LDHD: variants seen among roughly 807,000 people sequenced by gnomAD.
The protein encoded by LDHD is lactate dehydrogenase D.
LDHD carries 58 observed loss-of-function variants against 52.9 expected under a neutral mutation model. The ratio of observed to expected loss-of-function variants is 1.10; its 90% CI spans 0.89 to 1.36. The LOEUF is 1.36. Among genes scored for constraint, LDHD ranks in the 40% most tolerant of loss-of-function variants. The pLI is 0.00. For synonymous variants in LDHD, 350 were observed against 288.6 expected, an observed-to-expected ratio of 1.21 and a Z score of -2.16; for missense variants, 747 against 668.0, an observed-to-expected ratio of 1.12 and a Z score of -1.30.
At chr16:75,115,478 C>T (rs988872730) in intron 2 of LDHD, 70 bp downstream of exon 2, 2 of 1,583,262 alleles carry the variant, frequency 1.3e-6, no homozygotes, top group African/African-American at 2.7e-5. Context: ...AGGAAGGCAA[C>T]CCAGCACCCT....
At chr16:75,116,316 C>G (rs1299016438) in intron 1 of LDHD, among the ~76,000 whole-genome samples, 3 of 152,148 alleles carry the variant, frequency 2.0e-5, no homozygotes, top group African/African-American at 7.2e-5. Flanking sequence ...TGTGTTTCTT[C>G]CCATTTTACA....
intron 1 of LDHD, 33 bp from the exon 2 acceptor site, chr16:75,115,693 C>A (rs2036538948): frequency 3.6e-6 from 5 of 1,386,426 alleles, no homozygotes; most frequent in Non-Finnish European, 4.0e-6. Flanking sequence ...CAGGGTCCCC[C>A]GAAAGACACA....
rs142263929 is a variant in LDHD, at chr16:75,112,462, C to T, written c.1349G>A (p.Arg450Gln). The part of the protein sequence containing the change: ...TGEHGIGMGK[R>Q]QLLQEEVGAV... ...GCCCACCTCCTCCTGCAGCAGCTGCCGCTTGCCCATTCCGATGCCATGCTC... is the reference window on the plus strand; with the variant it reads ...GCCCACCTCCTCCTGCAGCAGCTGCTGCTTGCCCATTCCGATGCCATGCTC... Residue 450 changes from arginine to glutamine, a missense_variant, in exon 11 of 11, where the codon CGG becomes CAG. Physicochemically the swap from Arg to Gln is conservative, Grantham distance 43. Transcript: ENST00000450168. The T allele has an allele frequency of 4.1e-5, 66 of 1,613,434 alleles. No individual in the cohort carries two copies. In the African/African-American group the frequency reaches 4.4e-4, roughly 11 times the overall value.
chr16:75,114,732 T>A, intron 4 of LDHD, 47 bp from the exon 5 acceptor site: 2 of 1,550,862 alleles, frequency 1.3e-6, no homozygotes, highest in Non-Finnish European at 1.7e-6. Flanking sequence ...GGAGGTCCTT[T>A]CCCTCGGGCT....
intron 8 of LDHD, among the ~76,000 whole-genome samples, 160 bp from the exon 9 acceptor site, chr16:75,113,084 C>A (rs2036445789): frequency 6.6e-6 from 1 of 152,178 alleles, no homozygotes; most frequent in Admixed American, 6.5e-5. Context: ...TCACCTCCCC[C>A]CGACACAACA....
chr16:75,114,766 CCA>C (rs2036504876), intron 4 of LDHD, 59 bp downstream of exon 4: 2 of 1,579,574 alleles, frequency 1.3e-6, no homozygotes, highest in African/African-American at 1.3e-5. Context: ...CCCCTGAACC[CCA>C]GACACAGCCC....
rs773948562 is a variant in LDHD at position 75,113,751 on chromosome 16, G to A, written c.949C>T (p.Gln317Ter). The change falls in exon 7 of 11, where the codon CAG becomes TAG. Residue 317 changes from glutamine (Q) to a stop codon, truncating the protein, a stop_gained. Coordinates refer to ENST00000450168, the MANE Select transcript of LDHD (RefSeq NM_194436.3). LOFTEE classifies it high-confidence loss of function. ...GSQQALEEQL[Q>*]RTEEIVQQNG... is the part of the protein sequence containing the mutation. The stretch of plus-strand genomic sequence containing the variant: ...CTCCACCCCAGCATACCTGTGCGCT[G>A]CAGCTGCTCCTCCAGTGCCTGCTGG... 1 of 1,613,712 alleles carries A rather than the reference G, an allele frequency of 6.2e-7. No individual in the cohort carries two copies. Among genetic ancestry groups the A allele is most frequent in the South Asian group, 1.1e-5 (1 of 91,064 alleles).
At chr16:75,114,211 G>A (rs1387909884) in intron 5 of LDHD, 46 bp from the exon 6 acceptor site, 2 of 1,602,976 alleles carry the variant, frequency 1.2e-6, no homozygotes, top group East Asian at 2.2e-5. Flanking sequence ...TGTGTGATGA[G>A]GGATTTCTGG....
chr16:75,115,307 TG>T lies in LDHD; in HGVS notation c.217del (p.Gln73ArgfsTer44), dbSNP rs748885249. ...CAGCCGGCTGACCTGCTCCACGTTCTGGGGCCACACCACAGCATCAGGAGGT... is the reference window on the plus strand; with the variant it reads ...CAGCCGGCTGACCTGCTCCACGTTCTGGGCCACACCACAGCATCAGGAGGT... ...CEPPDAVVWP[Q>X]NVEQVSRLAA... On this transcript the variant is annotated frameshift_variant, in exon 3 of 11. Transcript: ENST00000450168. LOFTEE classifies it high-confidence loss of function. 1.2e-6 allele frequency: 2 copies of T among 1,613,648 alleles called. No individual in the cohort carries two copies. Among genetic ancestry groups the T allele is most frequent in the South Asian group, 2.2e-5 (2 of 91,086 alleles).
At chr16:75,115,167 C>T (rs1159729871) in intron 3 of LDHD, 31 bp downstream of exon 3, 2 of 1,598,392 alleles carry the variant, frequency 1.3e-6, no homozygotes, top group African/African-American at 1.3e-5. Flanking sequence ...CTGGGACCAT[C>T]CTCGGGCCGG....
In LDHD at chr16:75,114,525, C is replaced by G. The variant is rs763737912; in HGVS notation, c.629+1G>C. 3.9e-5 allele frequency: 59 copies of G among 1,518,856 alleles called. No individual in the cohort carries two copies. Among genetic ancestry groups the G allele is most frequent in the Non-Finnish European group, 5.1e-5 (58 of 1,138,316 alleles). The allele number at this position is 1,518,856 out of a possible 1,614,324, so 94.1% of individuals were successfully genotyped here. A position where few individuals can be genotyped will look rare whatever the true frequency, so the allele number is the denominator to read the frequency against. On this transcript the variant is annotated splice_donor_variant, in intron 5 of 10. Coordinates refer to ENST00000450168, the MANE Select transcript of LDHD (RefSeq NM_194436.3). LOFTEE classifies it high-confidence loss of function. Reference sequence around the variant, plus strand: ...CCGGGCCCCCCGCAGAGGGCGCTCACCGGAAATGCCGGCCTCGGCCCGCCG... The same window carrying G: ...CCGGGCCCCCCGCAGAGGGCGCTCAGCGGAAATGCCGGCCTCGGCCCGCCG...
chr16:75,113,902 G>C (rs1368859948), intron 6 of LDHD, 32 bp from the exon 7 acceptor site: 3 of 1,612,402 alleles, frequency 1.9e-6, no homozygotes, highest in Admixed American at 3.3e-5. Flanking sequence ...GCCAGGTGAG[G>C]CCTGGCCTTC....
Position 75,112,731 on chromosome 16 carries a change from A to G in LDHD, c.1178-18T>C, listed in dbSNP as rs2036429969. 2 of 1,609,516 alleles carry G rather than the reference A, an allele frequency of 1.2e-6. No individual in the cohort carries two copies. The highest frequency in any genetic ancestry group is 2.7e-5 in the African/African-American group (2 of 74,836). The stretch of plus-strand genomic sequence containing the variant: ...AATGCTTCCTGGGGGCCCAGAGGAC[A>G]GAACTATTCTCCAGCCCAGTCCTCC... On this transcript the variant is annotated intron_variant, in intron 9 of 10. Coordinates refer to ENST00000450168, the MANE Select transcript of LDHD (RefSeq NM_194436.3).
Position 75,114,864 on chromosome 16 carries a change from G to A in LDHD, c.432C>T (p.Asn144=), listed in dbSNP as rs1334730613. The A allele has an allele frequency of 5.6e-6, 9 of 1,613,864 alleles. No individual in the cohort carries two copies. Among genetic ancestry groups the A allele is most frequent in the Non-Finnish European group, 5.9e-6 (7 of 1,179,986 alleles). ...VEPGVTRKAL[N]AHLRDSGLWF... ...AGAGGCCGCTGTCCCGCAGGTGGGC[G>A]TTGAGGGCTTTGCGGGTGACACCTG... Residue 144 remains asparagine, a synonymous_variant, in exon 4 of 11, where the codon AAC becomes AAT. Coordinates refer to ENST00000450168, the MANE Select transcript of LDHD (RefSeq NM_194436.3).
chr16:75,115,769 C>T, intron 1 of LDHD, 109 bp from the exon 2 acceptor site: 1 of 645,034 alleles, frequency 1.6e-6, no homozygotes, highest in Non-Finnish European at 2.7e-6. Context: ...GTGAGCCTCC[C>T]CTGCGCCCGC....
rs377514750 is a variant in LDHD at position 75,112,431 on chromosome 16, C to T, written c.1380G>A (p.Val460=). Reference sequence around the variant, plus strand: ...TGAGCTGCCGCATGGTCTCCACGCCCACGGCGCCCACCTCCTCCTGCAGCA... The same window carrying T: ...TGAGCTGCCGCATGGTCTCCACGCCTACGGCGCCCACCTCCTCCTGCAGCA... The part of the protein sequence containing the change: ...RQLLQEEVGA[V]GVETMRQLKA... Residue 460 remains valine (V), a synonymous_variant, in exon 11 of 11, where the codon GTG becomes GTA. Coordinates refer to ENST00000450168, the MANE Select transcript of LDHD (RefSeq NM_194436.3). 7 of 1,613,484 alleles carry T rather than the reference C, an allele frequency of 4.3e-6. No homozygotes were observed. The highest frequency in any genetic ancestry group is 5.9e-6 in the Non-Finnish European group (7 of 1,180,014).
At chr16:75,113,335 A>C (rs1360274165) in intron 8 of LDHD, among the ~76,000 whole-genome samples, 200 bp downstream of exon 8, 3 of 152,230 alleles carry the variant, frequency 2.0e-5, no homozygotes, top group Non-Finnish European at 4.4e-5. Flanking sequence ...AGGGCTTAGC[A>C]GACAACTGTG....
In LDHD at chr16:75,113,549, G is replaced by A. The variant is rs372223577; in HGVS notation, c.1072C>T (p.Arg358Trp). 4.2e-5 allele frequency: 67 copies of A among 1,608,438 alleles called. No individual in the cohort carries two copies. Among genetic ancestry groups the A allele is most frequent in the African/African-American group, 2.4e-4 (18 of 74,748 alleles). ...HNAWYAALAT[R>W]PGCKGYSTDV... ...CCCCAGCTCACCTTGCAGCCTGGCC[G>A]CGTGGCCAGGGCTGCGTACCAGGCA... Residue 358 changes from arginine to tryptophan, a missense_variant, in exon 8 of 11, where the codon CGG (arginine) becomes TGG (tryptophan). Physicochemically the swap from Arg to Trp is moderately radical, Grantham distance 101. Transcript: ENST00000450168.
intron 5 of LDHD, 171 bp from the exon 6 acceptor site, chr16:75,114,336 C>A (rs1423774846): frequency 6.8e-7 from 1 of 1,471,762 alleles, no homozygotes. Context: ...AGCCAGTCGG[C>A]CTCAGGCAGG....
Sources: allele counts gnomAD v4.1 joint callset (sites outside exome capture counted in the v4.1 genomes callset), GRCh38; gene constraint gnomAD v4.1.1; transcripts MANE v1.5; gene names NCBI Gene and HGNC (gene_info 2026-07-23, HGNC 2026-07-21).